Variants in SPTBN1 observed in about 807,000 individuals in gnomAD.
SPTBN1 encodes spectrin beta chain, non-erythrocytic 1.
A neutral mutation model predicts 266.4 loss-of-function variants in SPTBN1; 32 were observed. The observed-to-expected ratio is 0.12, with a 90% CI of 0.09 to 0.16. SPTBN1 has a LOEUF of 0.16. SPTBN1 is among the 10% of genes least tolerant of loss of function. The pLI is 1.00. For missense variants in SPTBN1, 2,296 were observed against 3,067.1 expected (o/e 0.75, Z 5.94); for synonymous variants, 1,336 against 1,162.2 (o/e 1.15, Z -3.04).
chr2:54,561,684 T>G (rs1448051911), intron 2 of SPTBN1, among the ~76,000 whole-genome samples: 2 of 148,892 alleles, frequency 1.3e-5, no homozygotes, highest in African/African-American at 4.9e-5. Context: ...TATAAATTTA[T>G]AGAGATATTA....
chr2:54,473,889 G>C (rs551597172), intron 1 of SPTBN1, among the ~76,000 whole-genome samples: 1 of 152,312 alleles, frequency 6.6e-6, no homozygotes, highest in Non-Finnish European at 1.5e-5. Context: ...TATAGGACTA[G>C]GAACAAATAA....
At chr2:54,644,165 G>A (rs778410948) in intron 19 of SPTBN1, among the ~76,000 whole-genome samples, 158 bp from the exon 20 acceptor site, 3 of 152,096 alleles carry the variant, frequency 2.0e-5, no homozygotes, top group East Asian at 1.9e-4. Flanking sequence ...CCTAGGGGTC[G>A]TTGTTGATTT....
chr2:54,479,617 A>G lies in SPTBN1; in HGVS notation c.-48+23099A>G, dbSNP rs186480684. Among the ~76,000 whole-genome samples, 3 of 152,338 alleles carry G rather than the reference A, an allele frequency of 2.0e-5. No homozygotes were observed. In the East Asian group the frequency reaches 5.8e-4, roughly 29 times the overall value. On this transcript the variant is annotated intron_variant, in intron 1 of 35. Coordinates refer to ENST00000356805, the MANE Select transcript of SPTBN1 (RefSeq NM_003128.3). ...CAGATAACATGGTCACTCTAGTCTT[A>G]ACGAAGTTACCTAATCTTGGTGTCT...
Position 54,599,240 on chromosome 2 carries a change from G to A in SPTBN1, c.297G>A (p.Arg99=). Reference sequence around the variant, plus strand: ...TGCTGGAGGTCCTCTCTGGAGAGAGGCTGGTGAGTGGAGACCTTAGGAAGT... The same window carrying A: ...TGCTGGAGGTCCTCTCTGGAGAGAGACTGGTGAGTGGAGACCTTAGGAAGT... ...IKLLEVLSGE[R]LPKPTKGRMR... is the part of the protein sequence containing the mutation. The change falls in exon 3 of 36, where the codon AGG becomes AGA. Residue 99 remains arginine, a synonymous_variant. Coordinates refer to ENST00000356805, the MANE Select transcript of SPTBN1 (RefSeq NM_003128.3). 2 of 1,614,120 alleles carry A rather than the reference G, an allele frequency of 1.2e-6. No individual in the cohort carries two copies. Among genetic ancestry groups the A allele is most frequent in the Non-Finnish European group, 1.7e-6 (2 of 1,179,990 alleles).
rs1678045962 is a variant in SPTBN1, at chr2:54,622,326, A to G, written c.903A>G (p.Glu301=). 7.4e-6 allele frequency: 12 copies of G among 1,614,208 alleles called. No homozygotes were observed. In the East Asian group the frequency reaches 2.5e-4, roughly 33 times the overall value. ...TGCTTGACAATGCTATTGAAACAGAAAAAATGATTGAAAAGTATGAATCAC... is the reference window on the plus strand; with the variant it reads ...TGCTTGACAATGCTATTGAAACAGAGAAAATGATTGAAAAGTATGAATCAC... ...GKVLDNAIET[E]KMIEKYESLA... is the part of the protein sequence containing the mutation. The change falls in exon 9 of 36, where the codon GAA becomes GAG. Residue 301 remains glutamate, a synonymous_variant. Coordinates refer to ENST00000356805, the MANE Select transcript of SPTBN1 (RefSeq NM_003128.3).
chr2:54,551,171 A>G (rs1239722392), intron 2 of SPTBN1, among the ~76,000 whole-genome samples: 1 of 152,180 alleles, frequency 6.6e-6, no homozygotes, highest in Non-Finnish European at 1.5e-5. Context: ...ACTGCCCCAT[A>G]TCACTCTTGT....
chr2:54,661,244 A>G, intron 32 of SPTBN1: 1 of 985,918 alleles, frequency 1.0e-6, no homozygotes, highest in Non-Finnish European at 1.2e-6. Context: ...TTCCTTAGAA[A>G]TAAAAGCTGG....
intron 1 of SPTBN1, among the ~76,000 whole-genome samples, chr2:54,475,431 A>G (rs758126657): frequency 2.0e-5 from 3 of 152,154 alleles, no homozygotes; most frequent in Non-Finnish European, 2.9e-5. Context: ...GATGACAGAT[A>G]TGCAGTCCCT....
intron 3 of SPTBN1, among the ~76,000 whole-genome samples, chr2:54,604,354 T>TTTTC (rs1159010877): frequency 2.6e-5 from 4 of 152,298 alleles, no homozygotes; most frequent in Admixed American, 6.5e-5. Flanking sequence ...GAAGCTTTTT[T>TTTTC]TTTCTTTCTT....
chr2:54,458,377 A>G (rs566119726), intron 1 of SPTBN1, among the ~76,000 whole-genome samples: 19 of 152,322 alleles, frequency 1.2e-4, no homozygotes, highest in African/African-American at 4.6e-4. Context: ...AGTCAAGTAC[A>G]GTTGCATTAT....
intron 17 of SPTBN1, among the ~76,000 whole-genome samples, chr2:54,637,106 C>G (rs532204305): frequency 6.6e-6 from 1 of 152,294 alleles, no homozygotes; most frequent in Admixed American, 6.5e-5. Context: ...CTTTCCAGTT[C>G]TTACAAGTTA....
chr2:54,644,883 CTCAT>C (rs1221922513), intron 20 of SPTBN1, among the ~76,000 whole-genome samples: 2 of 152,206 alleles, frequency 1.3e-5, no homozygotes, highest in Non-Finnish European at 2.9e-5. Context: ...AAATGTTCAT[CTCAT>C]TCAATTCTGC....
rs1291543746 is a variant in SPTBN1, at chr2:54,558,374, G to A, written c.148+31808G>A. The A allele has an allele frequency of 6.0e-6, 6 of 1,000,150 alleles. No homozygotes were observed. The South Asian group carries it at 1.3e-4, about 22-fold the overall frequency. The allele number at this position is 1,000,150 out of a possible 1,614,324, so 62.0% of individuals were successfully genotyped here. A position where few individuals can be genotyped will look rare whatever the true frequency, so the allele number is the denominator to read the frequency against. On this transcript the variant is annotated intron_variant, in intron 2 of 35. Transcript: ENST00000356805. The surrounding 1 kb of genome is among the most constrained non-coding windows in gnomAD (Gnocchi z 4.6). ...CTGATAAAATTACAAACCGGCGGCC[G>A]CCGCGGGCAGCTGGGAGGAGGTGTG...
chr2:54,552,503 C>T (rs1395019532), intron 2 of SPTBN1, among the ~76,000 whole-genome samples: 1 of 150,168 alleles, frequency 6.7e-6, no homozygotes, highest in Non-Finnish European at 1.5e-5. Flanking sequence ...GTCACCCAGG[C>T]TGGAGTGCAG....
chr2:54,648,725 C>T (rs916647827), intron 24 of SPTBN1, among the ~76,000 whole-genome samples: 1 of 152,210 alleles, frequency 6.6e-6, no homozygotes, highest in Admixed American at 6.5e-5. Flanking sequence ...GAATGAGGCA[C>T]TACCCATCCC....
rs547320007 is a variant in SPTBN1 at position 54,653,303 on chromosome 2, C to G, written c.5578-306C>G. 62 of 309,342 alleles carry G rather than the reference C, an allele frequency of 2.0e-4. No individual in the cohort carries two copies. Among genetic ancestry groups the G allele is most frequent in the Admixed American group, 1.0e-3 (21 of 20,358 alleles). 19.2% of individuals were successfully genotyped at this position (309,342 alleles called of 1,614,324 possible). A position where few individuals can be genotyped will look rare whatever the true frequency, so the allele number is the denominator to read the frequency against. On this transcript the variant is annotated intron_variant, in intron 26 of 35. Transcript: ENST00000356805. This position sits in a 1 kb window ranked among gnomAD's most constrained non-coding sequence, Gnocchi z 5.1. The stretch of plus-strand genomic sequence containing the variant: ...TTTTTGGACTGTATCTGAATATGTC[C>G]CACTCAGATATCCCAGGCTGCCTCC...
chr2:54,623,688 G>T, intron 10 of SPTBN1, 92 bp downstream of exon 10: 2 of 1,022,246 alleles, frequency 2.0e-6, no homozygotes, highest in South Asian at 1.6e-5. Flanking sequence ...ACAAGAGACT[G>T]GAAGGGGCTG....
intron 28 of SPTBN1, among the ~76,000 whole-genome samples, chr2:54,655,505 G>A (rs1680591557): frequency 6.6e-6 from 1 of 152,212 alleles, no homozygotes; most frequent in South Asian, 2.1e-4. Context: ...CCCTAGATCA[G>A]TTTGCTGTTG....
chr2:54,617,933 GT>G lies in SPTBN1; in HGVS notation c.648-142del. On this transcript the variant is annotated intron_variant, in intron 6 of 35. Coordinates refer to ENST00000356805, the MANE Select transcript of SPTBN1 (RefSeq NM_003128.3). ...GTTTATTCAAAAATCAGGTTTCATT[GT>G]TTGATGATTCCATGATAGTATATTT... 5.7e-6 allele frequency: 4 copies of G among 700,540 alleles called. No individual in the cohort carries two copies. In the South Asian group the frequency reaches 8.4e-5, roughly 15 times the overall value. The allele number at this position is 700,540 out of a possible 1,614,324, so 43.4% of individuals were successfully genotyped here.
Sources: gnomAD v4.1 joint callset for allele counts (sites outside exome capture counted in the v4.1 genomes callset) on GRCh38, gnomAD v4.1.1 for gene constraint, Gnocchi (gnomAD v3.1) non-coding constraint, MANE v1.5 for transcripts, NCBI Gene and HGNC (gene_info 2026-07-23, HGNC 2026-07-21) for gene names.